The following PTK2 variants were observed in gnomAD, a reference collection of about 807,000 sequenced individuals.
PTK2 encodes the protein protein tyrosine kinase 2, also known as focal adhesion kinase 1.
PTK2 carries 45 observed loss-of-function variants against 150.1 expected under a neutral mutation model. The ratio of observed to expected loss-of-function variants is 0.30; its 90% CI spans 0.24 to 0.38. The LOEUF is 0.38. PTK2 is among the 10% of genes least tolerant of loss of function. The probability of loss-of-function intolerance (pLI) is 1.00; values close to 1 mark genes in which losing one functional copy is unlikely to be tolerated. For missense variants in PTK2, 919 were observed against 1,307.3 expected (o/e 0.70, Z 4.58); for synonymous variants, 432 against 449.2 (o/e 0.96, Z 0.48).
Position 140,922,252 on chromosome 8 carries a change from T to C in PTK2, c.-33+3409A>G, listed in dbSNP as rs1460910744. ...TCTAGGTTTACTTTCAGGCTCCTAA[T>C]AGTAGCCAGAGTTCAAGTGACCTCT... is the stretch of plus-strand genomic sequence containing the variant. On this transcript the variant is annotated intron_variant, in intron 2 of 31. Coordinates refer to ENST00000522684, the Ensembl canonical transcript of PTK2. Among the ~76,000 whole-genome samples, 8 of 152,060 alleles carry C rather than the reference T, an allele frequency of 5.3e-5. No individual in the cohort carries two copies. The South Asian group carries it at 6.2e-4, about 12-fold the overall frequency.
intron 4 of PTK2, among the ~76,000 whole-genome samples, chr8:140,874,477 G>A (rs952620270): frequency 1.3e-5 from 2 of 152,132 alleles, no homozygotes; most frequent in Admixed American, 6.5e-5. Context: ...GAACTTAGAT[G>A]TCTGCAGGTG....
chr8:140,739,182 C>T, intron 20 of PTK2, 75 bp from the exon 24 acceptor site: 2 of 967,474 alleles, frequency 2.1e-6, no homozygotes, highest in Non-Finnish European at 1.5e-6. Flanking sequence ...CTGAGATTTT[C>T]AGTATCAAAG....
At chr8:140,735,363 T>C in exon 22 of PTK2, 1 of 1,614,096 alleles carries the variant, frequency 6.2e-7, no homozygotes, top group Non-Finnish European at 8.5e-7. Flanking sequence ...ATTGGTAATC[T>C]TTCCCCATTT....
intron 2 of PTK2, chr8:140,920,816 T>A: frequency 2.0e-6 from 3 of 1,510,802 alleles, no homozygotes; most frequent in Non-Finnish European, 2.6e-6. Flanking sequence ...ATTTATACCT[T>A]TAGCCCAACA....
At chr8:140,990,900 T>C (rs1336897404) in intron 1 of PTK2, among the ~76,000 whole-genome samples, 1 of 152,168 alleles carries the variant, frequency 6.6e-6, no homozygotes, top group Non-Finnish European at 1.5e-5. Context: ...ACCCAGAGAA[T>C]GGACGGGAGA....
intron 16 of PTK2, among the ~76,000 whole-genome samples, chr8:140,756,094 G>T (rs1461643321): frequency 6.6e-6 from 1 of 151,368 alleles, no homozygotes; most frequent in Non-Finnish European, 1.5e-5. Flanking sequence ...GGAGGCCGGG[G>T]CAGGTGGGTC....
At chr8:140,779,298 A>C (rs1430802748) in intron 14 of PTK2, among the ~76,000 whole-genome samples, 1 of 151,822 alleles carries the variant, frequency 6.6e-6, no homozygotes, top group African/African-American at 2.4e-5. Flanking sequence ...GGAATTGCCT[A>C]CCATGAATAT....
At position 140,764,157 on chromosome 8, in the gene PTK2, AG is replaced by A. The variant is rs753288914; in HGVS notation, c.1234+76del. The stretch of plus-strand genomic sequence containing the variant: ...GTATTAAAAATGGCTCTAAAAAGAC[AG>A]TAAGTATCAATAACTTTTAAATGCA... On this transcript the variant is annotated intron_variant, in intron 15 of 31. Coordinates refer to ENST00000522684, the Ensembl canonical transcript of PTK2. The A allele has an allele frequency of 1.4e-5, 16 of 1,174,338 alleles. No individual in the cohort carries two copies. In the African/African-American group the frequency reaches 2.3e-4, roughly 17 times the overall value. The allele number at this position is 1,174,338 out of a possible 1,614,324, so 72.7% of individuals were successfully genotyped here.
intron 7 of PTK2, among the ~76,000 whole-genome samples, chr8:140,846,055 A>G (rs1047802734): frequency 4.6e-5 from 7 of 152,200 alleles, no homozygotes; most frequent in African/African-American, 1.7e-4. Flanking sequence ...TTAATGGGCC[A>G]TATACAATGT....
intron 12 of PTK2, among the ~76,000 whole-genome samples, chr8:140,797,833 T>C (rs1481328318): frequency 6.6e-6 from 1 of 152,174 alleles, no homozygotes; most frequent in Non-Finnish European, 1.5e-5. Context: ...TTAAAATTAA[T>C]TTATTTTTTT....
intron 1 of PTK2, among the ~76,000 whole-genome samples, chr8:140,957,112 T>A (rs1480329744): frequency 6.6e-6 from 1 of 151,938 alleles, no homozygotes; most frequent in Non-Finnish European, 1.5e-5. Context: ...TTTAAAAAAA[T>A]ACAGAAAAGC....
At chr8:140,804,256 TG>T (rs1301635329) in intron 10 of PTK2, among the ~76,000 whole-genome samples, 1 of 151,102 alleles carries the variant, frequency 6.6e-6, no homozygotes, top group Non-Finnish European at 1.5e-5. Flanking sequence ...CTTCTATTAC[TG>T]CTGCACAAAT....
At chr8:140,902,945 T>TTTG (rs1568519086) in intron 2 of PTK2, among the ~76,000 whole-genome samples, 1 of 140,698 alleles carries the variant, frequency 7.1e-6, no homozygotes, top group Non-Finnish European at 1.5e-5. Context: ...TTTTTTTTTT[T>TTTG]TTTTTTTTTT....
At chr8:140,903,125 A>G (rs1245233807) in intron 2 of PTK2, among the ~76,000 whole-genome samples, 2 of 151,764 alleles carry the variant, frequency 1.3e-5, no homozygotes, top group African/African-American at 4.8e-5. Context: ...CTTACGTTTA[A>G]GTCTTTAATC....
At chr8:140,696,847 G>A (rs1478129759) in intron 26 of PTK2, among the ~76,000 whole-genome samples, 2 of 152,136 alleles carry the variant, frequency 1.3e-5, no homozygotes, top group African/African-American at 4.8e-5. Flanking sequence ...ATGGTCCATG[G>A]TCTCTGCACT....
At chr8:140,870,340 TAACA>T in intron 4 of PTK2, among the ~76,000 whole-genome samples, 1 of 152,258 alleles carries the variant, frequency 6.6e-6, no homozygotes. Context: ...AAACACTATC[TAACA>T]AAGTTGTGAG....
At chr8:140,747,659 AG>A (rs1249469858) in intron 17 of PTK2, among the ~76,000 whole-genome samples, 8 of 58,654 alleles carry the variant, frequency 1.4e-4, no homozygotes, top group African/African-American at 4.8e-4. Context: ...GAGGAAGAGG[AG>A]GGGGAGGAAG....
At chr8:140,839,613 G>T (rs1481442716) in intron 7 of PTK2, among the ~76,000 whole-genome samples, 1 of 152,010 alleles carries the variant, frequency 6.6e-6, no homozygotes, top group Non-Finnish European at 1.5e-5. Flanking sequence ...AATGAACAAC[G>T]TATGGCATAA....
At chr8:140,706,363 A>C (rs2100033807) in intron 23 of PTK2, among the ~76,000 whole-genome samples, 158 bp from the exon 27 acceptor site, 1 of 152,226 alleles carries the variant, frequency 6.6e-6, no homozygotes, top group African/African-American at 2.4e-5. Context: ...TCTTTTCAAC[A>C]AATGATGCTG....
Sources: gnomAD v4.1 joint callset for allele counts (sites outside exome capture counted in the v4.1 genomes callset) on GRCh38, gnomAD v4.1.1 for gene constraint, MANE v1.5 for transcripts, NCBI Gene and HGNC (gene_info 2026-07-23, HGNC 2026-07-21) for gene names.